The following BCL11A variants were observed in gnomAD, a reference collection of about 807,000 sequenced individuals.
The protein encoded by BCL11A is B cell CLL/lymphoma 11A.
A neutral mutation model predicts 55.9 loss-of-function variants in BCL11A; 2 were observed. The ratio of observed to expected loss-of-function variants is 0.04; its 90% confidence interval spans 0.01 to 0.11. BCL11A has a LOEUF of 0.11. Ranked by LOEUF, BCL11A falls within the 10% of genes least tolerant of loss-of-function variation. The pLI, the probability that BCL11A is intolerant of heterozygous loss-of-function variation, is 1.00. For synonymous variants in BCL11A, 465 were observed against 473.4 expected, an observed-to-expected ratio of 0.98 and a Z score of 0.23; for missense variants, 817 against 1,137.1, an observed-to-expected ratio of 0.72 and a Z score of 4.05.
downstream of BCL11A, among the ~76,000 whole-genome samples, chr2:60,456,761 A>T (rs537520759): frequency 6.3e-4 from 96 of 152,252 alleles, 1 homozygote; most frequent in South Asian, 0.016. Context: ...ATTTTTTTTA[A>T]AAAAATCTTT....
chr2:60,509,013 G>T (rs969529665), intron 2 of BCL11A, among the ~76,000 whole-genome samples: 1 of 152,216 alleles, frequency 6.6e-6, no homozygotes, highest in Non-Finnish European at 1.5e-5. Flanking sequence ...GTTCTTCTGT[G>T]ATTGCTAAAG....
chr2:60,480,847 C>T (rs111607401), intron 2 of BCL11A, among the ~76,000 whole-genome samples: 126 of 152,310 alleles, frequency 8.3e-4, no homozygotes, highest in Non-Finnish European at 1.6e-3. Context: ...CCTCTATTCT[C>T]ATCCCCTACC....
At chr2:60,515,380 C>A (rs144528952) in intron 2 of BCL11A, among the ~76,000 whole-genome samples, 2 of 152,236 alleles carry the variant, frequency 1.3e-5, no homozygotes, top group African/African-American at 4.8e-5. Flanking sequence ...TTAAATACTA[C>A]ATATGAACCA....
intron 2 of BCL11A, among the ~76,000 whole-genome samples, chr2:60,490,131 T>A (rs146989015): frequency 6.6e-6 from 1 of 152,292 alleles, no homozygotes; most frequent in Non-Finnish European, 1.5e-5. Context: ...TCCTACAATA[T>A]CTGGTTCCAT....
intron 2 of BCL11A, among the ~76,000 whole-genome samples, chr2:60,502,843 T>A (rs1679368448): frequency 6.6e-6 from 1 of 152,168 alleles, no homozygotes; most frequent in African/African-American, 2.4e-5. Context: ...GGGAGGTACT[T>A]AATCTCTAAG....
chr2:60,465,569 C>G (rs1386552052), intron 3 of BCL11A, among the ~76,000 whole-genome samples: 1 of 152,158 alleles, frequency 6.6e-6, no homozygotes, highest in Non-Finnish European at 1.5e-5. Flanking sequence ...GTGAAAAAGT[C>G]ATGTGATCTA....
At chr2:60,503,166 C>G (rs1679388344) in intron 2 of BCL11A, among the ~76,000 whole-genome samples, 1 of 152,216 alleles carries the variant, frequency 6.6e-6, no homozygotes, top group Non-Finnish European at 1.5e-5. Context: ...TTCTCTAAAC[C>G]TGGTCACTCC....
At position 60,546,256 on chromosome 2, in the gene BCL11A, C is replaced by T. The variant is rs1670148632; in HGVS notation, c.100G>A (p.Gly34Ser). Residue 34 changes from glycine to serine, a missense_variant, in exon 2 of 4, where the codon GGC (glycine) becomes AGC (serine). Coordinates refer to ENST00000642384, the MANE Select transcript of BCL11A (RefSeq NM_022893.4). The surrounding 1 kb of genome is among the most constrained non-coding windows in gnomAD (Gnocchi z 4.1). ...AILTDDEPDH[G>S]PLGAPEGDHD... ...TCCCCTTCTGGAGCTCCCAACGGGCCGTGGTCTGGTTCATCATCTGTAAGA... is the reference window on the plus strand; with the variant it reads ...TCCCCTTCTGGAGCTCCCAACGGGCTGTGGTCTGGTTCATCATCTGTAAGA... 1.2e-6 allele frequency: 2 copies of T among 1,614,156 alleles called. No homozygotes were observed. The highest frequency in any genetic ancestry group is 1.7e-6 in the Non-Finnish European group (2 of 1,180,028).
chr2:60,501,661 C>G (rs866318823), intron 2 of BCL11A, among the ~76,000 whole-genome samples: 6 of 151,984 alleles, frequency 3.9e-5, no homozygotes, highest in African/African-American at 1.4e-4. Context: ...CATGTGCGAC[C>G]ATGCCTGGCT....
At chr2:60,452,883 C>A (rs1009754418), downstream of BCL11A, 2 of 493,120 alleles carry the variant, frequency 4.1e-6, no homozygotes, top group African/African-American at 3.9e-5. Context: ...TCCCTTCCGT[C>A]CCCCCAAGGA....
chr2:60,475,347 C>A (rs1307784116), intron 2 of BCL11A, among the ~76,000 whole-genome samples: 3 of 152,138 alleles, frequency 2.0e-5, no homozygotes, highest in African/African-American at 7.2e-5. Flanking sequence ...TTCTGTTTTC[C>A]CCCCACCTCA....
At chr2:60,549,618 T>G (rs770441783) in intron 1 of BCL11A, among the ~76,000 whole-genome samples, 18 of 152,106 alleles carry the variant, frequency 1.2e-4, no homozygotes, top group Non-Finnish European at 7.4e-5. Flanking sequence ...CCGCGGGGCC[T>G]TGGGGCCCGG....
chr2:60,472,904 G>A (rs1677285426), intron 2 of BCL11A, among the ~76,000 whole-genome samples: 1 of 152,180 alleles, frequency 6.6e-6, no homozygotes, highest in South Asian at 2.1e-4. Context: ...ACTGCTTTGG[G>A]AGCCCAACTT....
At chr2:60,464,347 G>A (rs951097071) in intron 3 of BCL11A, among the ~76,000 whole-genome samples, 37 of 152,168 alleles carry the variant, frequency 2.4e-4, no homozygotes, top group African/African-American at 8.0e-4. Flanking sequence ...AAGCTTCATT[G>A]AGAACATTTT....
intron 2 of BCL11A, among the ~76,000 whole-genome samples, chr2:60,519,539 TTGCCTGCC>T (rs3028029): frequency 0.012 from 1,729 of 147,620 alleles, 10 homozygotes; most frequent in African/African-American, 0.027. Context: ...AGGTCCTCAC[TTGCCTGCC>T]TGCCTGCCTG....
intron 2 of BCL11A, among the ~76,000 whole-genome samples, chr2:60,501,493 T>G (rs1679276577): frequency 6.7e-6 from 1 of 150,310 alleles, no homozygotes; most frequent in Non-Finnish European, 1.5e-5. Context: ...TTGCAAGTAC[T>G]GACACCGCTT....
intron 2 of BCL11A, among the ~76,000 whole-genome samples, chr2:60,504,529 C>T (rs749965252): frequency 2.6e-5 from 4 of 150,976 alleles, no homozygotes; most frequent in Non-Finnish European, 5.9e-5. Context: ...AGTGGGAGCT[C>T]AGCATCGGGA....
chr2:60,543,605 T>C (rs1255955210), intron 2 of BCL11A: 1 of 152,270 alleles, frequency 6.6e-6, no homozygotes, highest in Non-Finnish European at 1.5e-5. Flanking sequence ...TAGGAAACTC[T>C]TAATTCATTA....
intron 2 of BCL11A, among the ~76,000 whole-genome samples, chr2:60,515,308 T>A (rs1668684132): frequency 6.6e-6 from 1 of 152,170 alleles, no homozygotes; most frequent in Middle Eastern, 3.2e-3. Flanking sequence ...GACAGGGAGC[T>A]GGGGATCCAT....
Sources: allele counts gnomAD v4.1 joint callset (sites outside exome capture counted in the v4.1 genomes callset), GRCh38; gene constraint gnomAD v4.1.1; non-coding constraint Gnocchi (gnomAD v3.1); transcripts MANE v1.5; gene names NCBI Gene and HGNC (gene_info 2026-07-23, HGNC 2026-07-21).